The following ADGB variants were observed in gnomAD, a reference collection of about 807,000 sequenced individuals.
The protein encoded by ADGB is androglobin.
A neutral mutation model predicts 210.5 loss-of-function variants in ADGB; 172 were observed. That is an observed-to-expected ratio of 0.82 (90% CI 0.72 to 0.93). The LOEUF is 0.93. ADGB is among the 40% of genes least tolerant of loss of function. ADGB has a pLI of 0.00. For synonymous variants in ADGB, 658 were observed against 662.7 expected, an observed-to-expected ratio of 0.99 and a Z score of 0.11; for missense variants, 2,025 against 1,964.8, an observed-to-expected ratio of 1.03 and a Z score of -0.58.
intron 13 of ADGB, among the ~76,000 whole-genome samples, chr6:146,710,054 G>T (rs1425069413): frequency 1.3e-5 from 2 of 151,256 alleles, no homozygotes. Context: ...TAATGTGGTT[G>T]AATTTATTTA....
At chr6:146,684,351 G>A (rs936667896) in intron 9 of ADGB, among the ~76,000 whole-genome samples, 28 of 151,996 alleles carry the variant, frequency 1.8e-4, no homozygotes, top group African/African-American at 6.8e-4. Flanking sequence ...TCCATAACTG[G>A]CCTTCAACTC....
intron 1 of ADGB, among the ~76,000 whole-genome samples, chr6:146,602,542 G>T (rs539361895): frequency 2.0e-5 from 3 of 152,296 alleles, no homozygotes; most frequent in Admixed American, 2.0e-4. Flanking sequence ...TGCTGTAACA[G>T]AATACCATAG....
chr6:146,616,639 A>T (rs1350722049), intron 1 of ADGB, among the ~76,000 whole-genome samples: 1 of 152,048 alleles, frequency 6.6e-6, no homozygotes, highest in African/African-American at 2.4e-5. Context: ...TTTCATTTTT[A>T]TGCATGTGAA....
At chr6:146,803,997 G>A (rs1467143472) in intron 35 of ADGB, among the ~76,000 whole-genome samples, 8 of 152,066 alleles carry the variant, frequency 5.3e-5, no homozygotes, top group Non-Finnish European at 1.0e-4. Context: ...AAAATAGTTG[G>A]GTTTGTTCAG....
chr6:146,709,440 T>G (rs1776625612), intron 13 of ADGB, among the ~76,000 whole-genome samples: 1 of 152,216 alleles, frequency 6.6e-6, no homozygotes, highest in Admixed American at 6.5e-5. Flanking sequence ...GTTACTGTAC[T>G]CCTTGAACAG....
chr6:146,780,107 G>T (rs1345843255), intron 29 of ADGB, among the ~76,000 whole-genome samples: 2 of 151,872 alleles, frequency 1.3e-5, no homozygotes, highest in Non-Finnish European at 2.9e-5. Flanking sequence ...AAGGGGGACA[G>T]AAATACGTGA....
chr6:146,660,878 T>C (rs895116950), intron 5 of ADGB, among the ~76,000 whole-genome samples: 1 of 152,142 alleles, frequency 6.6e-6, no homozygotes, highest in African/African-American at 2.4e-5. Flanking sequence ...GTAATTGGAA[T>C]TGAAGTCTGT....
rs777340710 is a variant in ADGB, at chr6:146,800,768, T to C, written c.4538-415T>C. On this transcript the variant is annotated intron_variant, in intron 33 of 35. Transcript: ENST00000397944. Reference sequence around the variant, plus strand: ...TATAAATATGTAAAAAAAATCTATTTATATCCCAAGCCCGGTAGTACTTAG... The same window carrying C: ...TATAAATATGTAAAAAAAATCTATTCATATCCCAAGCCCGGTAGTACTTAG... 6.5e-4 allele frequency among the ~76,000 whole-genome samples: 99 copies of C among 152,276 alleles called. 1 individual carries two copies. The highest frequency in any genetic ancestry group is 3.1e-3 in the Admixed American group (48 of 15,290).
intron 3 of ADGB, among the ~76,000 whole-genome samples, chr6:146,645,197 A>T (rs1183696325): frequency 6.6e-6 from 1 of 151,992 alleles, no homozygotes; most frequent in South Asian, 2.1e-4. Flanking sequence ...TTGCATGAAC[A>T]TTCATAGCAT....
At chr6:146,652,151 G>C (rs1439557498) in intron 3 of ADGB, among the ~76,000 whole-genome samples, 1 of 152,162 alleles carries the variant, frequency 6.6e-6, no homozygotes, top group East Asian at 1.9e-4. Flanking sequence ...CCATTGTAGA[G>C]ACCTCTGCCT....
chr6:146,800,278 T>C (rs1337521018), intron 33 of ADGB, among the ~76,000 whole-genome samples: 1 of 152,266 alleles, frequency 6.6e-6, no homozygotes, highest in East Asian at 1.9e-4. Flanking sequence ...GACCCAGTAA[T>C]CCACTCCTAC....
chr6:146,644,949 A>T, intron 3 of ADGB, 84 bp downstream of exon 3: 1 of 739,642 alleles, frequency 1.4e-6, no homozygotes, highest in Non-Finnish European at 2.1e-6. Context: ...TTTTGTAATG[A>T]TTTAGGGTAA....
intron 29 of ADGB, among the ~76,000 whole-genome samples, chr6:146,771,133 G>T (rs913300476): frequency 1.3e-5 from 2 of 152,080 alleles, no homozygotes; most frequent in East Asian, 2.0e-4. Flanking sequence ...GCCCGAATAC[G>T]CCTGTTGATT....
At chr6:146,609,733 C>T (rs998229055) in intron 1 of ADGB, among the ~76,000 whole-genome samples, 4 of 152,086 alleles carry the variant, frequency 2.6e-5, no homozygotes, top group African/African-American at 7.2e-5. Flanking sequence ...TGAAATTCTT[C>T]GTTGGAATTC....
rs1780757850 is a variant in ADGB at position 146,614,253 on chromosome 6, GT to G, written c.74+15146del. 7.7e-5 allele frequency among the ~76,000 whole-genome samples: 9 copies of G among 117,560 alleles called. No individual in the cohort carries two copies. In the Admixed American group the frequency reaches 1.0e-3, roughly 13 times the overall value. 77.1% of individuals were successfully genotyped at this position (117,560 alleles called of 152,430 possible). On this transcript the variant is annotated intron_variant, in intron 1 of 35. Coordinates refer to ENST00000397944, the MANE Select transcript of ADGB (RefSeq NM_024694.4). ...CCTTCCTTCCTTCCTTCCTTCAACA[GT>G]TTTTTTGATATAACATTGATATACA...
intron 10 of ADGB, among the ~76,000 whole-genome samples, chr6:146,686,404 T>A (rs1776234476): frequency 6.6e-6 from 1 of 152,132 alleles, no homozygotes; most frequent in Non-Finnish European, 1.5e-5. Flanking sequence ...GCATAGGCCC[T>A]ATTAACATTT....
chr6:146,645,455 T>A (rs1235875475), intron 3 of ADGB, among the ~76,000 whole-genome samples: 1 of 152,188 alleles, frequency 6.6e-6, no homozygotes, highest in Non-Finnish European at 1.5e-5. Flanking sequence ...ATAACAGCTA[T>A]ATGTTAGTTT....
intron 12 of ADGB, among the ~76,000 whole-genome samples, chr6:146,693,451 C>G (rs1035747408): frequency 6.6e-6 from 1 of 152,178 alleles, no homozygotes; most frequent in Non-Finnish European, 1.5e-5. Context: ...GGCACCCATC[C>G]TGACTGGTCT....
At chr6:146,669,921 C>T (rs1236661869) in intron 7 of ADGB, among the ~76,000 whole-genome samples, 1 of 152,064 alleles carries the variant, frequency 6.6e-6, no homozygotes, top group Non-Finnish European at 1.5e-5. Flanking sequence ...CCCTAGAATG[C>T]ATCATCTCAG....
Sources: gnomAD v4.1 joint callset for allele counts (sites outside exome capture counted in the v4.1 genomes callset) on GRCh38, gnomAD v4.1.1 for gene constraint, MANE v1.5 for transcripts, NCBI Gene and HGNC (gene_info 2026-07-23, HGNC 2026-07-21) for gene names.